VAV1: variants seen among roughly 807,000 people sequenced by gnomAD.
The protein encoded by VAV1 is vav guanine nucleotide exchange factor 1, also known as proto-oncogene vav.
A neutral mutation model predicts 128.1 loss-of-function variants in VAV1; 33 were observed. That is an observed-to-expected ratio of 0.26 (90% CI 0.20 to 0.34). VAV1 has a LOEUF of 0.34. Ranked by LOEUF, VAV1 falls within the 10% of genes least tolerant of loss-of-function variation. The pLI is 1.00. For synonymous variants in VAV1, 394 were observed against 409.8 expected (o/e 0.96, Z 0.47); for missense variants, 715 against 1,093.7 (o/e 0.65, Z 4.88).
At chr19:6,803,856 C>T (rs1433182848) in intron 1 of VAV1, among the ~76,000 whole-genome samples, 1 of 152,148 alleles carries the variant, frequency 6.6e-6, no homozygotes, top group Non-Finnish European at 1.5e-5. Context: ...TGAGCCACTG[C>T]TCCCAGCGCA....
chr19:6,796,861 G>A (rs1033047427), intron 1 of VAV1, among the ~76,000 whole-genome samples: 2 of 152,098 alleles, frequency 1.3e-5, no homozygotes, highest in Non-Finnish European at 2.9e-5. Context: ...CCCCTTGAGG[G>A]CAGAGATGCT....
Position 6,857,138 on chromosome 19 carries a change from C to G in VAV1, c.*31C>G. On this transcript the variant is annotated 3_prime_UTR_variant, in exon 27 of 27. Transcript: ENST00000602142. ...GGTGCCTTGGCAGAGAGACGAGAAA[C>G]TCCAGGCTCTGAGCCCGGCGTGGGC... 1 of 1,613,656 alleles carries G rather than the reference C, an allele frequency of 6.2e-7. No individual in the cohort carries two copies.
rs1360916040 is a variant in VAV1, at chr19:6,822,938, A to G, written c.654+424A>G. ...TAAGATATAAAATATATAGTTTTTC[A>G]TATAGAGCTATATGTAAATAATATA... On this transcript the variant is annotated intron_variant, in intron 6 of 26. Coordinates refer to ENST00000602142, the MANE Select transcript of VAV1 (RefSeq NM_005428.4). This position sits in a 1 kb window ranked among gnomAD's most constrained non-coding sequence, Gnocchi z 5.9. Among the ~76,000 whole-genome samples, 2 of 147,482 alleles carry G rather than the reference A, an allele frequency of 1.4e-5. No individual in the cohort carries two copies. The highest frequency in any genetic ancestry group is 3.0e-5 in the Non-Finnish European group (2 of 66,982).
At chr19:6,850,587 A>G (rs972826174) in intron 23 of VAV1, 83 bp from the exon 24 acceptor site, 165 of 1,367,002 alleles carry the variant, frequency 1.2e-4, no homozygotes, top group Non-Finnish European at 1.6e-4. Context: ...TGAAGGGGTC[A>G]AGGTTGCTTC....
At chr19:6,832,056 G>T (rs749148300) in intron 14 of VAV1, 35 bp from the exon 15 acceptor site, 8 of 1,602,862 alleles carry the variant, frequency 5.0e-6, no homozygotes, top group Non-Finnish European at 1.7e-6. Context: ...CTCTGCGGGG[G>T]CAGTGCCTTC....
chr19:6,785,579 G>A (rs983678258), intron 1 of VAV1, among the ~76,000 whole-genome samples: 3 of 151,902 alleles, frequency 2.0e-5, no homozygotes, highest in East Asian at 1.9e-4. Flanking sequence ...TGATCTGCCC[G>A]CCTCAGCCTT....
chr19:6,852,444 G>T (rs1022383706), intron 24 of VAV1, among the ~76,000 whole-genome samples: 1 of 152,144 alleles, frequency 6.6e-6, no homozygotes, highest in Admixed American at 6.6e-5. Flanking sequence ...GTTTTTGGCC[G>T]GGCACGGTGG....
chr19:6,808,124 C>A (rs1439051637), intron 1 of VAV1, among the ~76,000 whole-genome samples: 1 of 151,854 alleles, frequency 6.6e-6, no homozygotes, highest in Non-Finnish European at 1.5e-5. Context: ...ACCAGCCTTG[C>A]CAGCATGGTG....
At chr19:6,794,700 T>C (rs538367261) in intron 1 of VAV1, among the ~76,000 whole-genome samples, 18 of 152,270 alleles carry the variant, frequency 1.2e-4, no homozygotes, top group African/African-American at 4.1e-4. Context: ...TCACAACAAA[T>C]CCATGGTGTT....
chr19:6,828,322 C>G lies in VAV1; in HGVS notation c.1024-97C>G. ...GTCTCAGCCTCCAGGGTCAGCAGTA[C>G]GATGGAGGAGCTGGTGAGCTAGCAT... On this transcript the variant is annotated intron_variant, in intron 10 of 26. Transcript: ENST00000602142. The surrounding 1 kb of genome is among the most constrained non-coding windows in gnomAD (Gnocchi z 4.5). The G allele has an allele frequency of 6.4e-7, 1 of 1,552,260 alleles. No individual in the cohort carries two copies. Among genetic ancestry groups the G allele is most frequent in the Non-Finnish European group, 8.8e-7 (1 of 1,130,614 alleles).
chr19:6,834,016 C>T, intron 19 of VAV1, 63 bp downstream of exon 19: 1 of 1,607,682 alleles, frequency 6.2e-7, no homozygotes, highest in Non-Finnish European at 8.5e-7. Flanking sequence ...GATGTTGACC[C>T]AGGGACAGAT....
At chr19:6,817,444 T>C (rs900066457) in intron 1 of VAV1, among the ~76,000 whole-genome samples, 2 of 152,012 alleles carry the variant, frequency 1.3e-5, no homozygotes, top group South Asian at 2.1e-4. Flanking sequence ...AGAGTGTTAA[T>C]ATGCAGATTC....
chr19:6,783,413 G>C (rs1342742840), intron 1 of VAV1, among the ~76,000 whole-genome samples: 1 of 151,328 alleles, frequency 6.6e-6, no homozygotes, highest in Non-Finnish European at 1.5e-5. Flanking sequence ...ACTGGGGAAA[G>C]AGCGCTATGA....
At chr19:6,854,843 GATAA>G (rs1295942773) in intron 26 of VAV1, among the ~76,000 whole-genome samples, 1 of 152,192 alleles carries the variant, frequency 6.6e-6, no homozygotes, top group Non-Finnish European at 1.5e-5. Context: ...ATTAATAAGG[GATAA>G]ATAAAGTCAT....
At chr19:6,851,622 T>G (rs1394878331) in intron 24 of VAV1, among the ~76,000 whole-genome samples, 7 of 152,232 alleles carry the variant, frequency 4.6e-5, no homozygotes, top group African/African-American at 1.7e-4. Context: ...CTTTGCCTAA[T>G]CTGCTGCATA....
At chr19:6,836,597 G>C in intron 20 of VAV1, 29 bp downstream of exon 20, 1 of 1,612,334 alleles carries the variant, frequency 6.2e-7, no homozygotes, top group South Asian at 1.1e-5. Context: ...AGAGTGATGG[G>C]GTGGGACCCA....
intron 9 of VAV1, among the ~76,000 whole-genome samples, chr19:6,827,792 G>A (rs1420070689): frequency 6.6e-6 from 1 of 151,678 alleles, no homozygotes; most frequent in Non-Finnish European, 1.5e-5. Context: ...CAGAGACGGG[G>A]TTTCCCCGTG....
At position 6,811,384 on chromosome 19, in the gene VAV1, T is replaced by A. The variant is rs1326267216; in HGVS notation, c.205-9318T>A. Among the ~76,000 whole-genome samples the A allele has an allele frequency of 3.3e-5, 5 of 152,242 alleles. No individual in the cohort carries two copies. In the East Asian group the frequency reaches 9.7e-4, roughly 29 times the overall value. ...TATTGGGCACTATTGCATGCCACCA[T>A]GTGGTGTTCAGGATTCAGAGGTGAC... On this transcript the variant is annotated intron_variant, in intron 1 of 26. Transcript: ENST00000602142.
rs1456970660 is a variant in VAV1 at position 6,822,380 on chromosome 19, C to T, written c.559-39C>T. ...GGGGAGGGCGTGGGCGGGGGGCAGC[C>T]CCAGGCCCCCCAACACCGGCCTCTC... is the stretch of plus-strand genomic sequence containing the variant. On this transcript the variant is annotated intron_variant, in intron 5 of 26. Transcript: ENST00000602142. This position sits in a 1 kb window ranked among gnomAD's most constrained non-coding sequence, Gnocchi z 5.9. The T allele has an allele frequency of 3.2e-6, 5 of 1,552,954 alleles. No homozygotes were observed. The Admixed American group carries it at 9.8e-5, about 30-fold the overall frequency.
Sources: allele counts gnomAD v4.1 joint callset (sites outside exome capture counted in the v4.1 genomes callset), GRCh38; gene constraint gnomAD v4.1.1; non-coding constraint Gnocchi (gnomAD v3.1); transcripts MANE v1.5; gene names NCBI Gene and HGNC (gene_info 2026-07-23, HGNC 2026-07-21).